Variants in FCRL3 observed in about 807,000 individuals in gnomAD.
FCRL3 encodes the protein Fc receptor like 3, also known as Fc receptor-like protein 3.
Under a neutral mutation model 75.0 loss-of-function variants are expected in FCRL3, and 89 were observed. That is an observed-to-expected ratio of 1.19 (90% CI 1.00 to 1.42). The LOEUF is 1.42. Ranked by LOEUF, FCRL3 falls within the 40% of genes most tolerant of loss-of-function variation. The pLI is 0.00. For missense variants in FCRL3, 946 were observed against 880.0 expected, an observed-to-expected ratio of 1.07 and a Z score of -0.95; for synonymous variants, 376 against 348.5, an observed-to-expected ratio of 1.08 and a Z score of -0.88.
chr1:157,677,586 A>G lies in FCRL3; in HGVS notation c.*1124T>C. 1 of 985,414 alleles carries G rather than the reference A, an allele frequency of 1.0e-6. No homozygotes were observed. Among genetic ancestry groups the G allele is most frequent in the Non-Finnish European group, 1.2e-6 (1 of 829,914 alleles). The allele number at this position is 985,414 out of a possible 1,614,324, so 61.0% of individuals were successfully genotyped here. A position where few individuals can be genotyped will look rare whatever the true frequency, so the allele number is the denominator to read the frequency against. On this transcript the variant is annotated 3_prime_UTR_variant, in exon 15 of 15. Transcript: ENST00000368184. ...TAAAAATTCAACACACTGTGGAAAG[A>G]GTTTTTGATGGTGATAGCTAGGAAA...
Position 157,680,743 on chromosome 1 carries a change from T to A in FCRL3, c.1985A>T (p.Tyr662Phe). ...NVNPGDSNPI[Y>F]SQIWSIQHTK... ...ATGCTGGATGCTCCAGATCTGGGAA[T>A]AAATCGGGTTGCTATCTCCAGGATT... is the stretch of plus-strand genomic sequence containing the variant. The change falls in exon 13 of 15, where the codon TAT becomes TTT. Residue 662 changes from tyrosine to phenylalanine, a missense_variant. Physicochemically the swap from Tyr to Phe is conservative, Grantham distance 22. Coordinates refer to ENST00000368184, the MANE Select transcript of FCRL3 (RefSeq NM_052939.4). 6.2e-7 allele frequency: 1 copy of A among 1,614,116 alleles called. No individual in the cohort carries two copies. The highest frequency in any genetic ancestry group is 1.7e-5 in the Admixed American group (1 of 60,012).
In FCRL3 at chr1:157,686,646, C is replaced by G. The variant is rs530978820; in HGVS notation, c.1810+3152G>C. 2.6e-5 allele frequency among the ~76,000 whole-genome samples: 4 copies of G among 152,212 alleles called. No homozygotes were observed. In the East Asian group the frequency reaches 7.7e-4, roughly 29 times the overall value. The stretch of plus-strand genomic sequence containing the variant: ...CAGAAATAAAGATTCACACCTACAA[C>G]CATCTGATCTTTGCCAAGGCTAACA... On this transcript the variant is annotated intron_variant, in intron 10 of 14. Coordinates refer to ENST00000368184, the MANE Select transcript of FCRL3 (RefSeq NM_052939.4).
chr1:157,678,469 C>T lies in FCRL3; in HGVS notation c.*241G>A. 7.3e-7 allele frequency: 1 copy of T among 1,366,460 alleles called. No individual in the cohort carries two copies. The highest frequency in any genetic ancestry group is 9.4e-7 in the Non-Finnish European group (1 of 1,058,356). 84.6% of individuals were successfully genotyped at this position (1,366,460 alleles called of 1,614,324 possible). Reference sequence around the variant, plus strand: ...GCCCTAGGAGCTGAGGGCCCTCCTGCCTTGCCACGTGTCTCCACTGTGAAA... The same window carrying T: ...GCCCTAGGAGCTGAGGGCCCTCCTGTCTTGCCACGTGTCTCCACTGTGAAA... On this transcript the variant is annotated 3_prime_UTR_variant, in exon 15 of 15. Coordinates refer to ENST00000368184, the MANE Select transcript of FCRL3 (RefSeq NM_052939.4).
At chr1:157,699,855 G>T (rs780766748) in intron 2 of FCRL3, 143 bp from the exon 3 acceptor site, 22 of 860,850 alleles carry the variant, frequency 2.6e-5, no homozygotes, top group Non-Finnish European at 3.5e-5. Context: ...CAAAGAAAAT[G>T]TCATATAATG....
At chr1:157,690,044 C>A in intron 9 of FCRL3, 127 bp from the exon 10 acceptor site, 1 of 1,421,054 alleles carries the variant, frequency 7.0e-7, no homozygotes, top group South Asian at 1.4e-5. Flanking sequence ...ATTTTCAAAA[C>A]TATGGCATAT....
intron 6 of FCRL3, 152 bp downstream of exon 6, chr1:157,696,988 T>C (rs1212215094): frequency 4.4e-6 from 3 of 682,878 alleles, no homozygotes; most frequent in East Asian, 6.6e-5. Context: ...GTTCTAGGGC[T>C]GTTAGACCAA....
Position 157,696,590 on chromosome 1 carries a change from G to A in FCRL3, c.845-263C>T, listed in dbSNP as rs115951936. 4.0e-3 allele frequency: 1,891 copies of A among 472,638 alleles called. 10 individuals carry two copies. The highest frequency in any genetic ancestry group is 5.9e-3 in the Non-Finnish European group (1,561 of 264,088). 29.3% of individuals were successfully genotyped at this position (472,638 alleles called of 1,614,324 possible). A position where few individuals can be genotyped will look rare whatever the true frequency, so the allele number is the denominator to read the frequency against. On this transcript the variant is annotated intron_variant, in intron 6 of 14. Transcript: ENST00000368184. The stretch of plus-strand genomic sequence containing the variant: ...AATGTTTTCTGGTCACATTTTATAT[G>A]CATTTATCTCTAAGGAATCTTTGAT...
chr1:157,678,893 A>G (rs1339966475), intron 14 of FCRL3, 37 bp from the exon 15 acceptor site: 1 of 1,614,060 alleles, frequency 6.2e-7, no homozygotes, highest in South Asian at 1.1e-5. Context: ...GTACCTAAAT[A>G]CAGGAGAGGA....
Position 157,697,916 on chromosome 1 carries a change from C to T in FCRL3, c.302G>A (p.Trp101Ter), listed in dbSNP as rs762308302. ...DAVHVEFSPD[W>*]LILQALHPVF... ...AGGATGTAAAGCCTGCAGGATCAGCCAGTCTGCAAAGAGCACAGGAGCACA... is the reference window on the plus strand; with the variant it reads ...AGGATGTAAAGCCTGCAGGATCAGCTAGTCTGCAAAGAGCACAGGAGCACA... Residue 101 changes from tryptophan (W) to a stop codon, truncating the protein, a stop_gained, in exon 5 of 15, where the codon TGG becomes TAG. Transcript: ENST00000368184. LOFTEE classifies it high-confidence loss of function. 2 of 1,613,510 alleles carry T rather than the reference C, an allele frequency of 1.2e-6. No homozygotes were observed. The highest frequency in any genetic ancestry group is 4.5e-5 in the East Asian group (2 of 44,838).
chr1:157,696,106 A>G lies in FCRL3; in HGVS notation c.1066T>C (p.Tyr356His), dbSNP rs371587126. Residue 356 changes from tyrosine to histidine, a missense_variant, in exon 7 of 15, where the codon TAC becomes CAC. Coordinates refer to ENST00000368184, the MANE Select transcript of FCRL3 (RefSeq NM_052939.4). ...TGAACGTTATCAGCTGCACAGTAGTATCTCCCTGCATCACTCTCCTTCACG... is the reference window on the plus strand; with the variant it reads ...TGAACGTTATCAGCTGCACAGTAGTGTCTCCCTGCATCACTCTCCTTCACG... ...LTVKESDAGRYYCAADNVHSP... is the reference protein window; with the variant it reads ...LTVKESDAGRHYCAADNVHSP... 1.2e-6 allele frequency: 2 copies of G among 1,613,578 alleles called. No homozygotes were observed. The highest frequency in any genetic ancestry group is 1.7e-6 in the Non-Finnish European group (2 of 1,179,966).
At chr1:157,694,493 A>T (rs1655763633) in intron 8 of FCRL3, among the ~76,000 whole-genome samples, 1 of 152,168 alleles carries the variant, frequency 6.6e-6, no homozygotes, top group Admixed American at 6.5e-5. Context: ...AATCCAGAGA[A>T]TGTATGGGTT....
Position 157,692,249 on chromosome 1 carries a change from G to GT in FCRL3, c.1412-1717dup, listed in dbSNP as rs570258583. On this transcript the variant is annotated intron_variant, in intron 8 of 14. Coordinates refer to ENST00000368184, the MANE Select transcript of FCRL3 (RefSeq NM_052939.4). ...AATTTAATTTCTGTATTCTTTTTTT[G>GT]TTTTTTTGAGACAGGGTCTCACTCT... 2.1e-3 allele frequency among the ~76,000 whole-genome samples: 315 copies of GT among 150,798 alleles called. 2 individuals carry two copies. Among genetic ancestry groups the GT allele is most frequent in the African/African-American group, 7.2e-3 (297 of 41,162 alleles).
At chr1:157,688,827 A>C (rs1437538245) in intron 10 of FCRL3, among the ~76,000 whole-genome samples, 1 of 152,298 alleles carries the variant, frequency 6.6e-6, no homozygotes, top group East Asian at 1.9e-4. Context: ...TAGCAAATCA[A>C]ATCAACAGTC....
chr1:157,677,072 C>A lies in FCRL3; in HGVS notation c.*1638G>T. On this transcript the variant is annotated 3_prime_UTR_variant, in exon 15 of 15. Coordinates refer to ENST00000368184, the MANE Select transcript of FCRL3 (RefSeq NM_052939.4). ...GCAGAGATCAGCATCTCAGTACGGG[C>A]AGGACATCATGCCCTGCACTCAAAG... 8.6e-7 allele frequency: 1 copy of A among 1,162,940 alleles called. No individual in the cohort carries two copies. The highest frequency in any genetic ancestry group is 5.3e-5 in the East Asian group (1 of 18,734). The allele number at this position is 1,162,940 out of a possible 1,614,324, so 72.0% of individuals were successfully genotyped here. A position where few individuals can be genotyped will look rare whatever the true frequency, so the allele number is the denominator to read the frequency against.
intron 9 of FCRL3, 75 bp downstream of exon 9, chr1:157,690,180 G>C: frequency 6.4e-7 from 1 of 1,558,628 alleles, no homozygotes. Context: ...GGTGCTAGTA[G>C]AATTTGTACA....
At chr1:157,684,739 T>A (rs1422764289) in intron 10 of FCRL3, among the ~76,000 whole-genome samples, 1 of 152,196 alleles carries the variant, frequency 6.6e-6, no homozygotes, top group Non-Finnish European at 1.5e-5. Flanking sequence ...GAGTTTAACT[T>A]ATTTGCCCAA....
At chr1:157,700,203 G>A (rs764720954) in intron 2 of FCRL3, among the ~76,000 whole-genome samples, 1 of 152,152 alleles carries the variant, frequency 6.6e-6, no homozygotes, top group Non-Finnish European at 1.5e-5. Context: ...GTTGTGGTTT[G>A]GCAGAAGGAA....
At chr1:157,700,194 T>C (rs115889208) in intron 2 of FCRL3, among the ~76,000 whole-genome samples, 82 of 152,044 alleles carry the variant, frequency 5.4e-4, no homozygotes, top group Middle Eastern at 3.4e-3. Flanking sequence ...GGATATAGAG[T>C]TGTGGTTTGG....
intron 10 of FCRL3, among the ~76,000 whole-genome samples, chr1:157,683,885 C>T (rs921883777): frequency 6.6e-6 from 1 of 152,124 alleles, no homozygotes; most frequent in Admixed American, 6.6e-5. Flanking sequence ...TGTCTCCATG[C>T]ACATAAGACC....
Sources: gnomAD v4.1 joint callset for allele counts (sites outside exome capture counted in the v4.1 genomes callset) on GRCh38, gnomAD v4.1.1 for gene constraint, MANE v1.5 for transcripts, NCBI Gene and HGNC (gene_info 2026-07-23, HGNC 2026-07-21) for gene names.